Variants in TBX19 observed in about 807,000 individuals in gnomAD.
TBX19 encodes T-box transcription factor TBX19.
TBX19 carries 33 observed loss-of-function variants against 40.9 expected under a neutral mutation model. The ratio of observed to expected loss-of-function variants is 0.81; its 90% confidence interval spans 0.61 to 1.08. The LOEUF is 1.08. Ranked by LOEUF, TBX19 falls within the 50% of genes least tolerant of loss-of-function variation. The pLI, the probability that TBX19 is intolerant of heterozygous loss-of-function variation, is 0.00. For synonymous variants in TBX19, 220 were observed against 225.0 expected (o/e 0.98, Z 0.20); for missense variants, 494 against 574.0 (o/e 0.86, Z 1.42).
At chr1:168,304,973 A>T in intron 5 of TBX19, 35 bp from the exon 6 acceptor site, 2 of 1,608,486 alleles carry the variant, frequency 1.2e-6, no homozygotes, top group Non-Finnish European at 1.7e-6. Flanking sequence ...GAGTTCACAG[A>T]CTCAGTCTTG....
rs552741576 is a variant in TBX19 at position 168,311,796 on chromosome 1, A to G, written c.1053-912A>G. The stretch of plus-strand genomic sequence containing the variant: ...CATTGCACCTGTTCCAACTGCATCT[A>G]TATTAAGGTGCAAGCTTGGCTGTAC... On this transcript the variant is annotated intron_variant, in intron 7 of 7. Transcript: ENST00000367821. 5.1e-4 allele frequency among the ~76,000 whole-genome samples: 78 copies of G among 152,278 alleles called. 1 individual carries two copies. The highest frequency in any genetic ancestry group is 1.8e-3 in the African/African-American group (75 of 41,566).
intron 7 of TBX19, among the ~76,000 whole-genome samples, chr1:168,311,966 C>A (rs1269623216): frequency 6.6e-6 from 1 of 152,156 alleles, no homozygotes; most frequent in Non-Finnish European, 1.5e-5. Flanking sequence ...CCTAGTGATT[C>A]CAATGTGCCG....
At position 168,313,346 on chromosome 1, in the gene TBX19, A is replaced by T; in HGVS notation, c.*344A>T. On this transcript the variant is annotated 3_prime_UTR_variant, in exon 8 of 8. Transcript: ENST00000367821. ...ACTTCCTTTTCTGTGGAGAAGGTGC[A>T]AAGCTGTTAAATGAGCTCAGAGTTT... 3 of 375,072 alleles carry T rather than the reference A, an allele frequency of 8.0e-6. 1 individual carries two copies. Among genetic ancestry groups the T allele is most frequent in the South Asian group, 7.4e-5 (3 of 40,794 alleles). The allele number at this position is 375,072 out of a possible 1,614,324, so 23.2% of individuals were successfully genotyped here.
rs1649557881 is a variant in TBX19 at position 168,312,826 on chromosome 1, C to A, written c.1171C>A (p.Pro391Thr). ...CCTCGGAAACCCAGCTGTGACTTCA[C>A]CCCCTTCTGTGCTCTCCACCCAAGC... is the stretch of plus-strand genomic sequence containing the variant. ...FLLGNPAVTS[P>T]PSVLSTQAPT... The change falls in exon 8 of 8, where the codon CCC becomes ACC. Residue 391 changes from proline (P) to threonine (T), a missense_variant. Physicochemically the swap from Pro to Thr is conservative, Grantham distance 38 (BLOSUM62 -1). Transcript: ENST00000367821. The A allele has an allele frequency of 6.2e-7, 1 of 1,614,146 alleles. No homozygotes were observed. Among genetic ancestry groups the A allele is most frequent in the Non-Finnish European group, 8.5e-7 (1 of 1,180,056 alleles).
intron 1 of TBX19, among the ~76,000 whole-genome samples, chr1:168,284,060 GA>G (rs1020744965): frequency 2.0e-5 from 3 of 152,110 alleles, no homozygotes; most frequent in African/African-American, 7.2e-5. Flanking sequence ...CTGGGATCCT[GA>G]TGTTGGCCTC....
Position 168,312,819 on chromosome 1 carries a change from G to GACT in TBX19, c.1165_1167dup (p.Thr389dup). On this transcript the variant is annotated inframe_insertion, in exon 8 of 8. Coordinates refer to ENST00000367821, the MANE Select transcript of TBX19 (RefSeq NM_005149.3). ...CATTTCTCCTCGGAAACCCAGCTGT[G>GACT]ACTTCACCCCCTTCTGTGCTCTCCA... is the stretch of plus-strand genomic sequence containing the variant. 6.2e-7 allele frequency: 1 copy of GACT among 1,614,268 alleles called. No homozygotes were observed. Among genetic ancestry groups the GACT allele is most frequent in the South Asian group, 1.1e-5 (1 of 91,090 alleles).
In TBX19 at chr1:168,312,953, G is replaced by A; in HGVS notation, c.1298G>A (p.Gly433Asp). ...GCCTCGCATCCCTTCGCGGGCTGGG[G>A]TGGCCCAGGAGCGGGTGGGCACCAT... Reference protein sequence around the residue: ...AVASHPFAGWGGPGAGGHHSP... With the variant: ...AVASHPFAGWDGPGAGGHHSP... The change falls in exon 8 of 8, where the codon GGT (glycine) becomes GAT (aspartate). Residue 433 changes from glycine (G) to aspartate (D), a missense_variant. Coordinates refer to ENST00000367821, the MANE Select transcript of TBX19 (RefSeq NM_005149.3). The A allele has an allele frequency of 6.2e-7, 1 of 1,614,246 alleles. No homozygotes were observed. Among genetic ancestry groups the A allele is most frequent in the East Asian group, 2.2e-5 (1 of 44,884 alleles).
rs1368579254 is a variant in TBX19, at chr1:168,291,358, C to T, written c.402C>T (p.His134=). The change falls in exon 2 of 8, where the codon CAC becomes CAT. Residue 134 remains histidine, a synonymous_variant. Coordinates refer to ENST00000367821, the MANE Select transcript of TBX19 (RefSeq NM_005149.3). ...CGGACTCCCCCAACTTTGGGGCCCA[C>T]TGGATGAAAGCTCCCATCTCCTTCA... ...IHPDSPNFGA[H]WMKAPISFSK... is the part of the protein sequence containing the mutation. The T allele has an allele frequency of 6.2e-7, 1 of 1,614,234 alleles. No homozygotes were observed. Among genetic ancestry groups the T allele is most frequent in the Admixed American group, 1.7e-5 (1 of 60,036 alleles).
At chr1:168,296,134 A>G (rs896338344) in intron 3 of TBX19, among the ~76,000 whole-genome samples, 2 of 152,138 alleles carry the variant, frequency 1.3e-5, no homozygotes, top group Non-Finnish European at 2.9e-5. Flanking sequence ...GGGGTGGGTG[A>G]AGGAGGCCAG....
chr1:168,300,321 C>G lies in TBX19; in HGVS notation c.666-101C>G, dbSNP rs141872575. 1,553 of 1,087,580 alleles carry G rather than the reference C, an allele frequency of 1.4e-3. 15 individuals are homozygous for G. In the African/African-American group the frequency reaches 0.021, roughly 15 times the overall value. 67.4% of individuals were successfully genotyped at this position (1,087,580 alleles called of 1,614,324 possible). A position where few individuals can be genotyped will look rare whatever the true frequency, so the allele number is the denominator to read the frequency against. On this transcript the variant is annotated intron_variant, in intron 4 of 7. Coordinates refer to ENST00000367821, the MANE Select transcript of TBX19 (RefSeq NM_005149.3). Reference sequence around the variant, plus strand: ...GAAAAAGGTGTTTGGTTTTCTTATTCTAAGAAATTGATTGCTCTTCAAGGA... The same window carrying G: ...GAAAAAGGTGTTTGGTTTTCTTATTGTAAGAAATTGATTGCTCTTCAAGGA...
At chr1:168,292,737 G>A (rs1177538360) in intron 2 of TBX19, among the ~76,000 whole-genome samples, 9 of 151,846 alleles carry the variant, frequency 5.9e-5, no homozygotes, top group Admixed American at 2.0e-4. Context: ...GGTGGCGGGC[G>A]CCTGTAGTCC....
rs149005522 is a variant in TBX19, at chr1:168,305,177, C to G, written c.897C>G (p.His299Gln). 1 of 1,612,492 alleles carries G rather than the reference C, an allele frequency of 6.2e-7. No homozygotes were observed. The highest frequency in any genetic ancestry group is 8.5e-7 in the Non-Finnish European group (1 of 1,180,022). ...CTCCCTACCCTTCTGCGTACATGCA[C>G]AGAAACCATTCTCCCTCAGGTCTGT... ...RQAPYPSAYM[H>Q]RNHSPSVNLI... The change falls in exon 6 of 8, where the codon CAC becomes CAG. Residue 299 changes from histidine (H) to glutamine (Q), a missense_variant. Coordinates refer to ENST00000367821, the MANE Select transcript of TBX19 (RefSeq NM_005149.3).
At position 168,289,340 on chromosome 1, in the gene TBX19, A is replaced by T. The variant is rs1648882756; in HGVS notation, c.204-1820A>T. Among the ~76,000 whole-genome samples, 3 of 152,242 alleles carry T rather than the reference A, an allele frequency of 2.0e-5. No individual in the cohort carries two copies. In the South Asian group the frequency reaches 6.2e-4, roughly 32 times the overall value. On this transcript the variant is annotated intron_variant, in intron 1 of 7. Transcript: ENST00000367821. ...ATCGTTTAATCTGATAGTAGGAGAA[A>T]ATAAAAGACAATAATCCTTCTATTG...
At chr1:168,308,424 A>G (rs532602260) in intron 6 of TBX19, 17 of 375,256 alleles carry the variant, frequency 4.5e-5, no homozygotes, top group African/African-American at 3.3e-4. Context: ...TTCTTAAAAG[A>G]GAGTGACTGT....
rs1183326009 is a variant in TBX19, at chr1:168,293,520, A to C, written c.603+242A>C. ...TGGTGCCAACAAGACACAGCTGTGC[A>C]TTGTCATGAAACTCCTGAGTTCTGT... On this transcript the variant is annotated intron_variant, in intron 3 of 7. Coordinates refer to ENST00000367821, the MANE Select transcript of TBX19 (RefSeq NM_005149.3). 3.9e-5 allele frequency among the ~76,000 whole-genome samples: 6 copies of C among 152,068 alleles called. No homozygotes were observed. The East Asian group carries it at 1.2e-3, about 29-fold the overall frequency.
chr1:168,308,669 G>A, intron 6 of TBX19, 73 bp from the exon 7 acceptor site: 2 of 1,601,966 alleles, frequency 1.2e-6, no homozygotes, highest in Non-Finnish European at 1.7e-6. Flanking sequence ...TTTTGCCCTA[G>A]GATAATGTCA....
chr1:168,297,583 A>T, intron 3 of TBX19, 141 bp from the exon 4 acceptor site: 2 of 697,480 alleles, frequency 2.9e-6, no homozygotes, highest in Non-Finnish European at 2.6e-6. Context: ...GAGTGCTGGG[A>T]TTACAGGCAT....
intron 5 of TBX19, among the ~76,000 whole-genome samples, chr1:168,304,290 T>C (rs1649349014): frequency 6.6e-6 from 1 of 152,064 alleles, no homozygotes; most frequent in African/African-American, 2.4e-5. Flanking sequence ...AGCTAGACAA[T>C]AGGTGCTTGC....
intron 7 of TBX19, among the ~76,000 whole-genome samples, chr1:168,311,427 A>G (rs1254352565): frequency 2.0e-5 from 3 of 152,184 alleles, no homozygotes; most frequent in African/African-American, 7.2e-5. Context: ...GAGATAATGT[A>G]GAAGAGCATC....
Sources: gnomAD v4.1 joint callset for allele counts (sites outside exome capture counted in the v4.1 genomes callset) on GRCh38, gnomAD v4.1.1 for gene constraint, MANE v1.5 for transcripts, NCBI Gene and HGNC (gene_info 2026-07-23, HGNC 2026-07-21) for gene names.